The following PIGS variants were observed in gnomAD, a reference collection of about 807,000 sequenced individuals.
PIGS encodes the protein GPI-anchor transamidase component PIGS.
A neutral mutation model predicts 58.2 loss-of-function variants in PIGS; 37 were observed. That is an observed-to-expected ratio of 0.64 (90% confidence interval 0.49 to 0.84). The LOEUF (loss-of-function observed/expected upper bound fraction) is 0.84. Among genes scored for constraint, PIGS ranks in the 40% least tolerant of loss-of-function variants. PIGS has a pLI of 0.00. For missense variants in PIGS, 629 were observed against 710.8 expected (o/e 0.88, Z 1.31); for synonymous variants, 269 against 289.2 (o/e 0.93, Z 0.71).
intron 3 of PIGS, among the ~76,000 whole-genome samples, chr17:28,567,873 G>A (rs777413383): frequency 1.3e-4 from 20 of 152,058 alleles, no homozygotes; most frequent in Non-Finnish European, 2.6e-4. Context: ...CTCTTAACTC[G>A]GGACCTTAGA....
chr17:28,555,365 C>A (rs917721962), intron 10 of PIGS: 20 of 350,998 alleles, frequency 5.7e-5, no homozygotes, highest in Non-Finnish European at 1.0e-4. Flanking sequence ...TCAGTTTAAT[C>A]CTTTCACCTT....
Position 28,571,022 on chromosome 17 carries a change from C to T in PIGS, c.174+27G>A, listed in dbSNP as rs766965756. ...CTCCACCTTGCCGGGGGGGCTGTCC[C>T]CCGACCCTCCCGCACAGCAGTCTCA... On this transcript the variant is annotated intron_variant, in intron 2 of 11. Coordinates refer to ENST00000308360, the MANE Select transcript of PIGS (RefSeq NM_033198.4). The T allele has an allele frequency of 1.1e-5, 18 of 1,614,026 alleles. No homozygotes were observed. The South Asian group carries it at 1.8e-4, about 16-fold the overall frequency.
intron 10 of PIGS, chr17:28,555,346 A>G: frequency 2.4e-6 from 1 of 410,834 alleles, no homozygotes; most frequent in Admixed American, 4.3e-5. Flanking sequence ...TACTTCTGAT[A>G]ACACCAACTC....
intron 10 of PIGS, 145 bp from the exon 11 acceptor site, chr17:28,555,206 T>C: frequency 1.3e-6 from 1 of 773,132 alleles, no homozygotes; most frequent in Non-Finnish European, 2.0e-6. Flanking sequence ...CCTCAGGGTC[T>C]TGGGGGCATA....
At position 28,571,475 on chromosome 17, in the gene PIGS, C is replaced by G. The variant is rs763312792; in HGVS notation, c.22G>C (p.Ala8Pro). The change falls in exon 1 of 12, where the codon GCT becomes CCT. Residue 8 changes from alanine to proline, a missense_variant. Transcript: ENST00000308360. ...AAGCCCACCGCACCTAGGTGTGTAGCCGCAGCCCCGGCGGCCGCCATGCTA... is the reference window on the plus strand; with the variant it reads ...AAGCCCACCGCACCTAGGTGTGTAGGCGCAGCCCCGGCGGCCGCCATGCTA... MAAAGAA[A>P]THLEVARGKR... 1.6e-5 allele frequency: 26 copies of G among 1,609,204 alleles called. No individual in the cohort carries two copies. In the South Asian group the frequency reaches 2.8e-4, roughly 17 times the overall value.
chr17:28,566,222 ATC>A (rs1453903473), intron 3 of PIGS, among the ~76,000 whole-genome samples: 2 of 121,456 alleles, frequency 1.6e-5, no homozygotes, highest in African/African-American at 6.5e-5. Flanking sequence ...GTCAGACCCT[ATC>A]TCAAAAAAAA....
At chr17:28,568,065 T>C (rs1370246183) in intron 3 of PIGS, among the ~76,000 whole-genome samples, 2 of 152,196 alleles carry the variant, frequency 1.3e-5, no homozygotes, top group Non-Finnish European at 2.9e-5. Flanking sequence ...CTGCTCTATT[T>C]TTCTTCTGTC....
chr17:28,560,311 G>A, intron 6 of PIGS, 120 bp from the exon 7 acceptor site: 2 of 1,251,624 alleles, frequency 1.6e-6, no homozygotes, highest in African/African-American at 1.5e-5. Flanking sequence ...TTCCATCATG[G>A]AACCAAAAGG....
In PIGS at chr17:28,570,923, T is replaced by G. The variant is rs372172502; in HGVS notation, c.215A>C (p.Glu72Ala). 1.0e-3 allele frequency: 1,612 copies of G among 1,614,118 alleles called. 26 individuals are homozygous for G. The South Asian group carries it at 0.017, about 17-fold the overall frequency. Reference sequence around the variant, plus strand: ...CTCCTGGTCGTCCAGGGGCACTGACTCCCGCGTAAACACGACAGTGACAGG... The same window carrying G: ...CTCCTGGTCGTCCAGGGGCACTGACGCCCGCGTAAACACGACAGTGACAGG... ...MVPVTVVFTR[E>A]SVPLDDQEKL... Residue 72 changes from glutamate to alanine, a missense_variant, in exon 3 of 12, where the codon GAG (glutamate) becomes GCG (alanine). Coordinates refer to ENST00000308360, the MANE Select transcript of PIGS (RefSeq NM_033198.4).
At chr17:28,563,733 G>A in intron 4 of PIGS, 85 bp downstream of exon 4, 1 of 1,427,272 alleles carries the variant, frequency 7.0e-7, no homozygotes, top group Non-Finnish European at 9.8e-7. Flanking sequence ...TTGGAAGTAA[G>A]CCAAAGCATG....
Position 28,555,025 on chromosome 17 carries a change from T to G in PIGS, c.1218A>C (p.Pro406=), listed in dbSNP as rs1459727683. 6.2e-7 allele frequency: 1 copy of G among 1,611,848 alleles called. No homozygotes were observed. The highest frequency in any genetic ancestry group is 8.5e-7 in the Non-Finnish European group (1 of 1,178,934). ...LFGIAQPQLP[P]KCLLSGPTSE... ...TCGTAGGCCCTGAAAGCAGGCATTT[T>G]GGAGGCAGCTGGGGCTGAGCAATCC... Residue 406 remains proline, a synonymous_variant, in exon 11 of 12, where the codon CCA becomes CCC. Transcript: ENST00000308360.
chr17:28,559,791 G>A (rs1345112804), intron 7 of PIGS, among the ~76,000 whole-genome samples: 2 of 151,902 alleles, frequency 1.3e-5, no homozygotes, highest in Non-Finnish European at 1.5e-5. Context: ...ATAGGAAGGT[G>A]GTTTGTTAAC....
At chr17:28,571,319 C>T in intron 1 of PIGS, 131 bp from the exon 2 acceptor site, 1 of 1,509,662 alleles carries the variant, frequency 6.6e-7, no homozygotes, top group Non-Finnish European at 8.9e-7. Context: ...CGAAGGGACC[C>T]GGCCCAAGCC....
chr17:28,564,086 C>T (rs1174329465), intron 3 of PIGS, among the ~76,000 whole-genome samples, 179 bp from the exon 4 acceptor site: 2 of 152,206 alleles, frequency 1.3e-5, no homozygotes, highest in Non-Finnish European at 2.9e-5. Context: ...ACATGACACC[C>T]ATTTCGCCCA....
chr17:28,560,387 T>C, intron 6 of PIGS, 196 bp from the exon 7 acceptor site: 1 of 590,104 alleles, frequency 1.7e-6, no homozygotes, highest in East Asian at 3.2e-5. Context: ...CTCATGTCTG[T>C]AATCCCAGCA....
At position 28,563,798 on chromosome 17, in the gene PIGS, G is replaced by A; in HGVS notation, c.376+20C>T. 1 of 1,594,720 alleles carries A rather than the reference G, an allele frequency of 6.3e-7. No individual in the cohort carries two copies. Among genetic ancestry groups the A allele is most frequent in the Non-Finnish European group, 8.6e-7 (1 of 1,162,372 alleles). On this transcript the variant is annotated intron_variant, in intron 4 of 11. Coordinates refer to ENST00000308360, the MANE Select transcript of PIGS (RefSeq NM_033198.4). The stretch of plus-strand genomic sequence containing the variant: ...AAAGAGGGCTTCACATTAAAATGGT[G>A]TGCTCATCCCTTCCCATACCTTGCA...
chr17:28,556,417 C>G (rs144968193), intron 9 of PIGS, 151 bp from the exon 10 acceptor site: 72 of 718,856 alleles, frequency 1.0e-4, no homozygotes, highest in Admixed American at 9.8e-4. Context: ...GTACCTACTA[C>G]GGAGAGCATT....
intron 6 of PIGS, among the ~76,000 whole-genome samples, chr17:28,561,002 A>T (rs1022662048): frequency 1.3e-5 from 2 of 152,034 alleles, no homozygotes; most frequent in African/African-American, 4.8e-5. Flanking sequence ...TCACACTTGT[A>T]ATCCCAGCAC....
Position 28,560,351 on chromosome 17 carries a change from T to C in PIGS, c.677-160A>G, listed in dbSNP as rs1464256413. The C allele has an allele frequency of 5.7e-5, 49 of 859,840 alleles. No homozygotes were observed. The East Asian group carries it at 1.2e-3, about 21-fold the overall frequency. 53.3% of individuals were successfully genotyped at this position (859,840 alleles called of 1,614,324 possible). A position where few individuals can be genotyped will look rare whatever the true frequency, so the allele number is the denominator to read the frequency against. Reference sequence around the variant, plus strand: ...CAAAACTGGGATGAGGAACACTGAGTAAGAAAAAGCTGCCGGGCGCTGTGG... The same window carrying C: ...CAAAACTGGGATGAGGAACACTGAGCAAGAAAAAGCTGCCGGGCGCTGTGG... On this transcript the variant is annotated intron_variant, in intron 6 of 11. Coordinates refer to ENST00000308360, the MANE Select transcript of PIGS (RefSeq NM_033198.4).
Sources: allele counts gnomAD v4.1 joint callset (sites outside exome capture counted in the v4.1 genomes callset), GRCh38; gene constraint gnomAD v4.1.1; transcripts MANE v1.5; gene names NCBI Gene and HGNC (gene_info 2026-07-23, HGNC 2026-07-21).